The following GLYATL1 variants were observed in gnomAD, a reference collection of about 807,000 sequenced individuals.
GLYATL1 encodes glycine N-acyltransferase-like protein 1.
In GLYATL1, 15 loss-of-function variants were observed where a neutral mutation model predicts 20.0. The ratio of observed to expected loss-of-function variants is 0.75; its 90% CI spans 0.50 to 1.15. The LOEUF (loss-of-function observed/expected upper bound fraction) is 1.15. Ranked by LOEUF, GLYATL1 falls within the 50% of genes most tolerant of loss-of-function variation. The pLI is 0.00. For missense variants in GLYATL1, 380 were observed against 368.5 expected (o/e 1.03, Z -0.26); for synonymous variants, 151 against 131.5 (o/e 1.15, Z -1.01).
In GLYATL1 at chr11:58,948,656, C is replaced by CAA. The variant is rs35288916; in HGVS notation, c.186+700_186+701dup. Among the ~76,000 whole-genome samples the CAA allele has an allele frequency of 2.1e-3, 312 of 148,292 alleles. 4 individuals are homozygous for CAA. Among genetic ancestry groups the CAA allele is most frequent in the African/African-American group, 6.3e-3 (256 of 40,480 alleles). ...ACCCTGTTGTTTTTGTTTTGTTTTT[C>CAA]AAAAAAAAAAGTTACTTCTTAGGAA... On this transcript the variant is annotated intron_variant, in intron 4 of 6. Transcript: ENST00000532726.
chr11:58,926,120 A>T (rs1443478743), upstream of GLYATL1, among the ~76,000 whole-genome samples: 1 of 152,202 alleles, frequency 6.6e-6, no homozygotes, highest in Non-Finnish European at 1.5e-5. Context: ...TGTTTGCCAT[A>T]ACTGCTTAGG....
chr11:58,955,483 A>G, intron 6 of GLYATL1, 127 bp from the exon 7 acceptor site: 1 of 1,380,954 alleles, frequency 7.2e-7, no homozygotes. Flanking sequence ...TCAAAGTTCA[A>G]GATCCAAAAC....
chr11:58,943,746 CA>C, intron 2 of GLYATL1, 80 bp downstream of exon 2: 1 of 1,566,244 alleles, frequency 6.4e-7, no homozygotes. Flanking sequence ...ATTTCTGATC[CA>C]AACTGGGTTT....
At chr11:58,929,398 G>T (rs1342915770) in intron 1 of GLYATL1, among the ~76,000 whole-genome samples, 7 of 152,000 alleles carry the variant, frequency 4.6e-5, no homozygotes, top group Non-Finnish European at 2.9e-5. Context: ...ATTCTAATTG[G>T]CTTATTACAG....
At chr11:58,930,538 C>A (rs565240443) in intron 1 of GLYATL1, among the ~76,000 whole-genome samples, 6 of 151,984 alleles carry the variant, frequency 3.9e-5, no homozygotes, top group African/African-American at 1.4e-4. Context: ...AAGTAGTAAA[C>A]GGGCTAGGTT....
At chr11:58,905,608 A>G (rs1448051489) in exon 1 of GLYATL1, 3 of 456,174 alleles carry the variant, frequency 6.6e-6, no homozygotes, top group African/African-American at 6.0e-5. Context: ...ACTGGGAGAC[A>G]GGGGACGCCG....
chr11:58,944,837 A>C (rs1163066229), intron 2 of GLYATL1, among the ~76,000 whole-genome samples: 1 of 151,948 alleles, frequency 6.6e-6, no homozygotes, highest in Non-Finnish European at 1.5e-5. Flanking sequence ...ATTATGAAAA[A>C]TTATTTTAGT....
chr11:58,935,891 A>G (rs542210198), upstream of GLYATL1, among the ~76,000 whole-genome samples: 122 of 152,314 alleles, frequency 8.0e-4, no homozygotes, highest in African/African-American at 2.7e-3. Context: ...AGGTTTATAT[A>G]TTAAACACAT....
At chr11:58,917,243 C>T (rs1404195705) in intron 1 of GLYATL1, 1 of 152,334 alleles carries the variant, frequency 6.6e-6, no homozygotes, top group South Asian at 2.1e-4. Flanking sequence ...GCCTGCTCCT[C>T]CCCTTGACTC....
At chr11:58,951,157 T>C (rs1856965695) in intron 4 of GLYATL1, among the ~76,000 whole-genome samples, 1 of 152,124 alleles carries the variant, frequency 6.6e-6, no homozygotes, top group Non-Finnish European at 1.5e-5. Flanking sequence ...TGTTTTCTCA[T>C]TTTGTCTTAC....
downstream of GLYATL1, among the ~76,000 whole-genome samples, chr11:58,910,516 T>A (rs73483003): frequency 0.038 from 5,856 of 152,274 alleles, 383 homozygotes; most frequent in African/African-American, 0.13. Flanking sequence ...GTGGCTGTGG[T>A]ATTAGACAAT....
chr11:58,938,750 C>T (rs1311990782), upstream of GLYATL1, among the ~76,000 whole-genome samples: 2 of 152,176 alleles, frequency 1.3e-5, no homozygotes, highest in Non-Finnish European at 2.9e-5. Flanking sequence ...GCACAGGGGT[C>T]TAGTTCCAGC....
chr11:58,948,428 C>T (rs1856740281), intron 4 of GLYATL1, among the ~76,000 whole-genome samples: 1 of 152,124 alleles, frequency 6.6e-6, no homozygotes. Flanking sequence ...CACTTGAGTC[C>T]AGGAGTTTGA....
chr11:58,922,970 T>A (rs1008630242), upstream of GLYATL1, among the ~76,000 whole-genome samples: 1 of 151,994 alleles, frequency 6.6e-6, no homozygotes, highest in Non-Finnish European at 1.5e-5. Flanking sequence ...TCACAGAGAG[T>A]TCTTAACATC....
At chr11:58,953,390 G>GTTTTTTTTTTT (rs377318573) in intron 4 of GLYATL1, among the ~76,000 whole-genome samples, 1 of 110,974 alleles carries the variant, frequency 9.0e-6, no homozygotes, top group Non-Finnish European at 1.9e-5. Context: ...CTTACAGTCT[G>GTTTTTTTTTTT]TTTTTTTTTT....
downstream of GLYATL1, among the ~76,000 whole-genome samples, chr11:58,910,425 A>G (rs1398761910): frequency 6.6e-6 from 1 of 152,232 alleles, no homozygotes; most frequent in East Asian, 1.9e-4. Context: ...ATTAAACTTA[A>G]CTAAAATCAA....
chr11:58,937,217 C>A (rs1032143704), upstream of GLYATL1, among the ~76,000 whole-genome samples: 3 of 152,186 alleles, frequency 2.0e-5, no homozygotes, highest in Non-Finnish European at 4.4e-5. Flanking sequence ...CCTCTGACTG[C>A]ATTAACAACC....
intron 1 of GLYATL1, among the ~76,000 whole-genome samples, chr11:58,929,784 C>T (rs147765733): frequency 2.1e-3 from 313 of 152,318 alleles, no homozygotes; most frequent in Non-Finnish European, 2.9e-3. Flanking sequence ...CCTCTCCTGC[C>T]CTTCGAAAGC....
downstream of GLYATL1, among the ~76,000 whole-genome samples, chr11:58,913,099 G>A (rs1855090050): frequency 6.6e-6 from 1 of 152,142 alleles, no homozygotes. Flanking sequence ...GGATCAAGGG[G>A]AGAGGAGCTG....
Sources: allele counts gnomAD v4.1 joint callset (sites outside exome capture counted in the v4.1 genomes callset), GRCh38; gene constraint gnomAD v4.1.1; transcripts MANE v1.5; gene names NCBI Gene and HGNC (gene_info 2026-07-23, HGNC 2026-07-21).